Variants in GPBP1L1 observed in about 807,000 individuals in gnomAD.
The protein encoded by GPBP1L1 is GC-rich promoter binding protein 1 like 1.
Under a neutral mutation model 52.5 loss-of-function variants are expected in GPBP1L1, and 23 were observed. That is an observed-to-expected ratio of 0.44 (90% CI 0.32 to 0.62). GPBP1L1 has a LOEUF of 0.62. GPBP1L1 is among the 20% of genes least tolerant of loss of function. The pLI is 0.06. For missense variants in GPBP1L1, 596 were observed against 579.3 expected, an observed-to-expected ratio of 1.03 and a Z score of -0.30; for synonymous variants, 243 against 203.1, an observed-to-expected ratio of 1.20 and a Z score of -1.67.
At chr1:45,652,747 T>C (rs1644834398) in intron 6 of GPBP1L1, among the ~76,000 whole-genome samples, 1 of 152,102 alleles carries the variant, frequency 6.6e-6, no homozygotes, top group African/African-American at 2.4e-5. Context: ...AGATAGAGTC[T>C]TGCTTCCACC....
At chr1:45,637,119 G>A (rs1172485223) in intron 8 of GPBP1L1, among the ~76,000 whole-genome samples, 2 of 152,200 alleles carry the variant, frequency 1.3e-5, no homozygotes, top group African/African-American at 2.4e-5. Flanking sequence ...TCCCCAGGCA[G>A]AGAAGCACAA....
chr1:45,656,324 C>T (rs915255628), intron 4 of GPBP1L1, among the ~76,000 whole-genome samples: 1 of 152,144 alleles, frequency 6.6e-6, no homozygotes, highest in African/African-American at 2.4e-5. Flanking sequence ...AGACCAAAGT[C>T]CACAAAGCCA....
At chr1:45,658,673 T>A (rs1490228526) in intron 4 of GPBP1L1, 1 of 257,230 alleles carries the variant, frequency 3.9e-6, no homozygotes, top group East Asian at 8.3e-5. Flanking sequence ...CTCACGCCTG[T>A]AATCCCAGCA....
intron 2 of GPBP1L1, among the ~76,000 whole-genome samples, chr1:45,678,632 A>G (rs1433351055): frequency 6.6e-6 from 1 of 152,248 alleles, no homozygotes; most frequent in Admixed American, 6.5e-5. Context: ...CAATCATACC[A>G]AACCACTCCA....
At chr1:45,651,714 A>C in intron 6 of GPBP1L1, 1 of 486,280 alleles carries the variant, frequency 2.1e-6, no homozygotes, top group Non-Finnish European at 3.7e-6. Context: ...CCAATGCCAA[A>C]ATTCTTAGGC....
At chr1:45,654,254 C>A in intron 6 of GPBP1L1, 1 of 238,236 alleles carries the variant, frequency 4.2e-6, no homozygotes, top group Non-Finnish European at 8.1e-6. Flanking sequence ...TGCAAGAGTA[C>A]ATTTTAACAT....
chr1:45,661,716 G>C (rs1250185691), intron 2 of GPBP1L1, among the ~76,000 whole-genome samples: 2 of 152,276 alleles, frequency 1.3e-5, no homozygotes, highest in Admixed American at 6.5e-5. Context: ...GCCTCCCAAA[G>C]TGCTGGGATT....
chr1:45,630,357 A>G, intron 11 of GPBP1L1, 125 bp downstream of exon 11: 1 of 1,133,608 alleles, frequency 8.8e-7, no homozygotes, highest in Non-Finnish European at 1.3e-6. Flanking sequence ...ATACACAGAG[A>G]ACAAGTTATG....
intron 2 of GPBP1L1, among the ~76,000 whole-genome samples, chr1:45,664,114 C>G (rs187481405): frequency 2.6e-5 from 4 of 152,030 alleles, no homozygotes; most frequent in Non-Finnish European, 5.9e-5. Flanking sequence ...GGGCGGATCA[C>G]GAGGTCAGGA....
intron 2 of GPBP1L1, among the ~76,000 whole-genome samples, chr1:45,673,602 C>T (rs542439629): frequency 2.5e-4 from 38 of 152,358 alleles, no homozygotes; most frequent in African/African-American, 9.1e-4. Flanking sequence ...TGGCTCACGC[C>T]TGTAATCCCA....
intron 4 of GPBP1L1, chr1:45,658,667 C>G (rs986938188): frequency 2.1e-5 from 5 of 243,418 alleles, no homozygotes; most frequent in Non-Finnish European, 3.9e-5. Flanking sequence ...CAGTGGCTCA[C>G]GCCTGTAATC....
intron 2 of GPBP1L1, among the ~76,000 whole-genome samples, chr1:45,681,144 G>T (rs1645208012): frequency 1.3e-5 from 2 of 151,996 alleles, no homozygotes; most frequent in African/African-American, 4.8e-5. Context: ...CATCTCAAAC[G>T]AGAGTAAATA....
At chr1:45,669,835 A>T (rs1645053477) in intron 2 of GPBP1L1, among the ~76,000 whole-genome samples, 2 of 152,244 alleles carry the variant, frequency 1.3e-5, no homozygotes, top group South Asian at 4.1e-4. Flanking sequence ...AACAGTATGT[A>T]ACATTCTTAG....
intron 6 of GPBP1L1, among the ~76,000 whole-genome samples, chr1:45,649,457 T>G (rs913975904): frequency 2.6e-5 from 2 of 78,206 alleles, no homozygotes; most frequent in Admixed American, 1.4e-4. Flanking sequence ...TCTGGAGCTT[T>G]TTTTTTTTTC....
chr1:45,648,512 T>C (rs1207608211), intron 6 of GPBP1L1, among the ~76,000 whole-genome samples: 1 of 152,214 alleles, frequency 6.6e-6, no homozygotes, highest in Non-Finnish European at 1.5e-5. Flanking sequence ...CGGTTGGCTC[T>C]GTTAGCATTC....
intron 2 of GPBP1L1, among the ~76,000 whole-genome samples, chr1:45,681,779 A>T (rs1336291726): frequency 1.3e-5 from 2 of 152,216 alleles, no homozygotes; most frequent in Non-Finnish European, 2.9e-5. Context: ...TAAATAATTC[A>T]CTCAAAGTCA....
At chr1:45,645,442 ATATT>A (rs1244079569) in intron 6 of GPBP1L1, among the ~76,000 whole-genome samples, 2 of 152,240 alleles carry the variant, frequency 1.3e-5, no homozygotes, top group African/African-American at 4.8e-5. Flanking sequence ...ATAGAATATC[ATATT>A]TAATTGCTTT....
Position 45,633,582 on chromosome 1 carries a change from T to G in GPBP1L1, c.951A>C (p.Arg317=), listed in dbSNP as rs773175648. Residue 317 remains arginine (R), a synonymous_variant, in exon 10 of 13, where the codon CGA becomes CGC. Coordinates refer to ENST00000355105, the MANE Select transcript of GPBP1L1 (RefSeq NM_021639.5). The stretch of plus-strand genomic sequence containing the variant: ...GGAACTCACTCTTCCTGTCGGTGGT[T>G]CGGCGGGTCAACTTGGTCAGACGAG... ...SSSRLTKLTR[R]TTDRKSEFLK... is the part of the protein sequence containing the mutation. 6.2e-7 allele frequency: 1 copy of G among 1,613,274 alleles called. No individual in the cohort carries two copies. Among genetic ancestry groups the G allele is most frequent in the Admixed American group, 1.7e-5 (1 of 59,918 alleles).
intron 4 of GPBP1L1, among the ~76,000 whole-genome samples, chr1:45,657,408 C>T (rs963020072): frequency 3.3e-5 from 5 of 152,016 alleles, no homozygotes; most frequent in South Asian, 2.1e-4. Flanking sequence ...TGGTACTGTG[C>T]GCCTGTAATC....
Sources: gnomAD v4.1 joint callset for allele counts (sites outside exome capture counted in the v4.1 genomes callset) on GRCh38, gnomAD v4.1.1 for gene constraint, MANE v1.5 for transcripts, NCBI Gene and HGNC (gene_info 2026-07-23, HGNC 2026-07-21) for gene names.